The following ADAMTS17 variants were observed in gnomAD, a reference collection of about 807,000 sequenced individuals.
The protein encoded by ADAMTS17 is ADAM metallopeptidase with thrombospondin type 1 motif 17, also known as A disintegrin and metalloproteinase with thrombospondin motifs 17.
In ADAMTS17, 113 loss-of-function variants were observed where a neutral mutation model predicts 141.5. The observed-to-expected ratio is 0.80, with a 90% CI of 0.69 to 0.93. ADAMTS17 has a LOEUF of 0.93. Ranked by LOEUF, ADAMTS17 falls within the 40% of genes least tolerant of loss-of-function variation. ADAMTS17 has a pLI of 0.00. For missense variants in ADAMTS17, 1,659 were observed against 1,517.9 expected, an observed-to-expected ratio of 1.09 and a Z score of -1.54; for synonymous variants, 768 against 630.6, an observed-to-expected ratio of 1.22 and a Z score of -3.27.
intron 10 of ADAMTS17, among the ~76,000 whole-genome samples, chr15:100,142,078 T>C (rs1184069882): frequency 6.6e-6 from 1 of 152,216 alleles, no homozygotes; most frequent in African/African-American, 2.4e-5. Flanking sequence ...GAAAGACAGA[T>C]ACCTAAAACC....
Position 100,049,982 on chromosome 15 carries a change from C to T in ADAMTS17, c.2456-990G>A, listed in dbSNP as rs141089178. On this transcript the variant is annotated intron_variant, in intron 17 of 21. Coordinates refer to ENST00000268070, the MANE Select transcript of ADAMTS17 (RefSeq NM_139057.4). ...CATTATTATTATTTGGGAAGAGTGA[C>T]AATAAAAGATTAATAGGGAGTCAAG... Among the ~76,000 whole-genome samples, 571 of 152,276 alleles carry T rather than the reference C, an allele frequency of 3.7e-3. 13 individuals are homozygous for T. Among genetic ancestry groups the T allele is most frequent in the Admixed American group, 0.03 (456 of 15,282 alleles).
chr15:100,231,459 C>T (rs1444411164), intron 7 of ADAMTS17, among the ~76,000 whole-genome samples: 1 of 152,206 alleles, frequency 6.6e-6, no homozygotes, highest in Non-Finnish European at 1.5e-5. Context: ...AACATCAGCA[C>T]CTCCCATTCG....
intron 2 of ADAMTS17, 176 bp downstream of exon 2, chr15:100,340,863 T>C (rs1262690252): frequency 7.1e-6 from 7 of 981,240 alleles, no homozygotes; most frequent in African/African-American, 5.0e-5. Context: ...CCTTTGCCTA[T>C]AGAGGGTACC....
chr15:100,209,858 G>C (rs1311907109), intron 7 of ADAMTS17, among the ~76,000 whole-genome samples: 1 of 152,140 alleles, frequency 6.6e-6, no homozygotes, highest in Non-Finnish European at 1.5e-5. Flanking sequence ...GGTTACAATG[G>C]GTTTCAGAAT....
At chr15:100,147,526 C>T (rs930831795) in intron 10 of ADAMTS17, among the ~76,000 whole-genome samples, 2 of 152,102 alleles carry the variant, frequency 1.3e-5, no homozygotes, top group Non-Finnish European at 2.9e-5. Context: ...AACTGTAACA[C>T]AATGGTATTT....
chr15:100,080,728 C>G (rs1457705799), intron 15 of ADAMTS17, among the ~76,000 whole-genome samples: 1 of 152,196 alleles, frequency 6.6e-6, no homozygotes, highest in Non-Finnish European at 1.5e-5. Flanking sequence ...TACACTTGTA[C>G]TAAGAAAGTA....
chr15:100,273,994 T>C (rs1318338090), intron 4 of ADAMTS17, among the ~76,000 whole-genome samples: 1 of 152,208 alleles, frequency 6.6e-6, no homozygotes, highest in Non-Finnish European at 1.5e-5. Context: ...TTTTCCAGTT[T>C]TCCTTCTGTT....
chr15:100,268,448 C>T (rs1212002250), intron 4 of ADAMTS17, among the ~76,000 whole-genome samples: 2 of 152,154 alleles, frequency 1.3e-5, no homozygotes, highest in East Asian at 1.9e-4. Context: ...CTGCACCTTG[C>T]CAGCATCTGT....
intron 8 of ADAMTS17, among the ~76,000 whole-genome samples, chr15:100,194,102 C>G (rs368783365): frequency 6.6e-6 from 1 of 152,332 alleles, no homozygotes; most frequent in East Asian, 1.9e-4. Flanking sequence ...ATATCCTCTT[C>G]GTTTTTCTGA....
intron 15 of ADAMTS17, among the ~76,000 whole-genome samples, chr15:100,072,068 C>CA (rs201197826): frequency 0.04 from 6,078 of 150,328 alleles, 705 homozygotes; most frequent in African/African-American, 0.14. Context: ...TCTGAGGATA[C>CA]AAAATCAATG....
intron 14 of ADAMTS17, among the ~76,000 whole-genome samples, chr15:100,103,746 T>C (rs543818358): frequency 4.6e-5 from 7 of 152,124 alleles, no homozygotes; most frequent in Non-Finnish European, 8.8e-5. Flanking sequence ...CGGCTAATTT[T>C]TGTATTTTTG....
At position 99,997,472 on chromosome 15, in the gene ADAMTS17, G is replaced by A; in HGVS notation, c.2709C>T (p.Leu903=). 3 of 1,613,538 alleles carry A rather than the reference G, an allele frequency of 1.9e-6. No individual in the cohort carries two copies. Among genetic ancestry groups the A allele is most frequent in the Non-Finnish European group, 2.5e-6 (3 of 1,179,968 alleles). Residue 903 remains leucine (L), a synonymous_variant, in exon 19 of 22, where the codon CTC becomes CTT. Transcript: ENST00000268070. This position sits in a 1 kb window ranked among gnomAD's most constrained non-coding sequence, Gnocchi z 4.7. ...CCGCCGGCCGGGGGCCCGGGCAGTA[G>A]AGGGGCCGCGTAGCGACGTGTGTGC... ...QNGTHVATRP[L]YCPGPRPAAV...
In ADAMTS17 at chr15:100,022,169, T is replaced by C. The variant is rs115933043; in HGVS notation, c.2592-24580A>G. Among the ~76,000 whole-genome samples, 684 of 152,304 alleles carry C rather than the reference T, an allele frequency of 4.5e-3. 7 individuals are homozygous for C. Among genetic ancestry groups the C allele is most frequent in the African/African-American group, 0.016 (647 of 41,560 alleles). On this transcript the variant is annotated intron_variant, in intron 18 of 21. Coordinates refer to ENST00000268070, the MANE Select transcript of ADAMTS17 (RefSeq NM_139057.4). ...GTTTCTCACGTGGATGTGCCAACGA[T>C]TGATCCTATATGGTCAATCTGTTAT...
chr15:100,107,896 C>T (rs1178113814), intron 14 of ADAMTS17, among the ~76,000 whole-genome samples: 2 of 152,224 alleles, frequency 1.3e-5, no homozygotes, highest in Middle Eastern at 3.4e-3. Flanking sequence ...GGGGCTCTCT[C>T]ACAACATGCC....
chr15:100,088,663 C>T (rs927611769), intron 15 of ADAMTS17, among the ~76,000 whole-genome samples: 1 of 151,962 alleles, frequency 6.6e-6, no homozygotes, highest in African/African-American at 2.4e-5. Context: ...TGGAACAGAA[C>T]AGAGCCCTCA....
intron 4 of ADAMTS17, 42 bp from the exon 5 acceptor site, chr15:100,262,477 A>G (rs750615969): frequency 6.5e-7 from 1 of 1,533,022 alleles, no homozygotes; most frequent in Non-Finnish European, 8.9e-7. Flanking sequence ...AAAGATAAAA[A>G]ATTTTAAAAA....
At chr15:100,318,707 T>C (rs896713919) in intron 3 of ADAMTS17, among the ~76,000 whole-genome samples, 1 of 152,224 alleles carries the variant, frequency 6.6e-6, no homozygotes, top group African/African-American at 2.4e-5. Context: ...GAAAATCTCC[T>C]GTTCCAGAAA....
chr15:100,125,669 C>T (rs1004330917), intron 12 of ADAMTS17, among the ~76,000 whole-genome samples: 4 of 152,156 alleles, frequency 2.6e-5, no homozygotes, highest in Non-Finnish European at 5.9e-5. Context: ...GATGCATTTT[C>T]TACCCTGCAG....
intron 8 of ADAMTS17, among the ~76,000 whole-genome samples, chr15:100,164,009 G>C (rs1039283217): frequency 6.6e-6 from 1 of 152,192 alleles, no homozygotes; most frequent in African/African-American, 2.4e-5. Context: ...TCATGCAGAA[G>C]AGCAGAATCT....
Sources: allele counts gnomAD v4.1 joint callset (sites outside exome capture counted in the v4.1 genomes callset), GRCh38; gene constraint gnomAD v4.1.1; non-coding constraint Gnocchi (gnomAD v3.1); transcripts MANE v1.5; gene names NCBI Gene and HGNC (gene_info 2026-07-23, HGNC 2026-07-21).